GRID1: variants seen among roughly 807,000 people sequenced by gnomAD.
The protein encoded by GRID1 is glutamate receptor ionotropic, delta-1.
A neutral mutation model predicts 98.0 loss-of-function variants in GRID1; 28 were observed. The ratio of observed to expected loss-of-function variants is 0.29; its 90% CI spans 0.21 to 0.39. The LOEUF is 0.39. Among genes scored for constraint, GRID1 ranks in the 10% least tolerant of loss-of-function variants. The probability of loss-of-function intolerance (pLI) is 1.00; values close to 1 mark genes in which losing one functional copy is unlikely to be tolerated. For synonymous variants in GRID1, 553 were observed against 538.5 expected (o/e 1.03, Z -0.37); for missense variants, 1,111 against 1,340.5 (o/e 0.83, Z 2.67).
At chr10:85,868,397 A>G (rs777460280) in intron 6 of GRID1, among the ~76,000 whole-genome samples, 1 of 152,176 alleles carries the variant, frequency 6.6e-6, no homozygotes, top group Non-Finnish European at 1.5e-5. Context: ...CCAAGGCCCA[A>G]GACAAGCTAG....
chr10:85,697,236 A>G (rs7923001), intron 12 of GRID1, among the ~76,000 whole-genome samples: 11,828 of 152,146 alleles, frequency 0.078, 664 homozygotes, highest in African/African-American at 0.16. Context: ...TTTTGACTAT[A>G]TTAGATTTTT....
chr10:85,727,174 T>A (rs1841769757), intron 10 of GRID1, among the ~76,000 whole-genome samples: 1 of 152,012 alleles, frequency 6.6e-6, no homozygotes, highest in Non-Finnish European at 1.5e-5. Context: ...GAGGTCAAAG[T>A]ATTGGGAGTC....
intron 8 of GRID1, among the ~76,000 whole-genome samples, chr10:85,834,955 T>G (rs1842900190): frequency 6.6e-6 from 1 of 152,154 alleles, no homozygotes; most frequent in East Asian, 1.9e-4. Flanking sequence ...AAAAAAAAGT[T>G]ACTTCAAAGG....
At chr10:86,354,282 A>G (rs1848504066) in intron 2 of GRID1, among the ~76,000 whole-genome samples, 1 of 152,240 alleles carries the variant, frequency 6.6e-6, no homozygotes, top group South Asian at 2.1e-4. Flanking sequence ...CTCAGCCCGG[A>G]CCTGGGGGTT....
rs1053269627 is a variant in GRID1, at chr10:85,706,366, C to T, written c.1997+16637G>A. 4.6e-5 allele frequency among the ~76,000 whole-genome samples: 7 copies of T among 152,250 alleles called. No homozygotes were observed. The East Asian group carries it at 1.4e-3, about 29-fold the overall frequency. On this transcript the variant is annotated intron_variant, in intron 12 of 15. Coordinates refer to ENST00000327946, the MANE Select transcript of GRID1 (RefSeq NM_017551.3). Reference sequence around the variant, plus strand: ...ATGAGTGAACTCCCATTCACAATTGCTTCAAAGAGAATAAAATACCTAGGA... The same window carrying T: ...ATGAGTGAACTCCCATTCACAATTGTTTCAAAGAGAATAAAATACCTAGGA...
At chr10:85,810,457 C>T (rs1842661190) in intron 8 of GRID1, among the ~76,000 whole-genome samples, 1 of 152,174 alleles carries the variant, frequency 6.6e-6, no homozygotes, top group Admixed American at 6.5e-5. Context: ...CCTTGAGCTG[C>T]TAAGCAGCTG....
chr10:86,020,298 G>GAGGAGC (rs1843032571), intron 4 of GRID1, among the ~76,000 whole-genome samples: 1 of 152,228 alleles, frequency 6.6e-6, no homozygotes. Context: ...TGGCACAGGA[G>GAGGAGC]AGGAGCAGAA....
intron 8 of GRID1, among the ~76,000 whole-genome samples, chr10:85,797,043 G>A (rs1172460371): frequency 1.3e-5 from 2 of 152,080 alleles, no homozygotes; most frequent in Non-Finnish European, 2.9e-5. Flanking sequence ...ATTTTATTTT[G>A]TCTTTTAAAA....
chr10:85,849,265 G>A (rs1038432583), intron 8 of GRID1, among the ~76,000 whole-genome samples: 2 of 152,198 alleles, frequency 1.3e-5, no homozygotes, highest in Admixed American at 6.5e-5. Context: ...GTCCTATGGC[G>A]TGGCAATCCC....
intron 3 of GRID1, among the ~76,000 whole-genome samples, chr10:86,172,424 A>G (rs1845506477): frequency 6.6e-6 from 1 of 152,168 alleles, no homozygotes; most frequent in African/African-American, 2.4e-5. Context: ...ATCATTTTGC[A>G]GATAGGGAGT....
chr10:86,204,596 A>AG (rs1845999292), intron 3 of GRID1, among the ~76,000 whole-genome samples: 1 of 152,244 alleles, frequency 6.6e-6, no homozygotes, highest in Non-Finnish European at 1.5e-5. Flanking sequence ...AAGTGCCACC[A>AG]GGCCTTGTTC....
At chr10:86,051,640 CAT>C (rs1843504494) in intron 4 of GRID1, among the ~76,000 whole-genome samples, 2 of 152,120 alleles carry the variant, frequency 1.3e-5, no homozygotes, top group Admixed American at 1.3e-4. Flanking sequence ...TACATGAACA[CAT>C]GTCTCGCAGA....
intron 4 of GRID1, among the ~76,000 whole-genome samples, chr10:86,087,678 C>A (rs905186545): frequency 1.3e-5 from 2 of 152,204 alleles, no homozygotes; most frequent in African/African-American, 4.8e-5. Flanking sequence ...GCTCAGAACA[C>A]CCTTGGGTCC....
At chr10:85,729,690 G>T in intron 8 of GRID1, 76 bp from the exon 9 acceptor site, 1 of 870,532 alleles carries the variant, frequency 1.1e-6, no homozygotes, top group Non-Finnish European at 1.9e-6. Context: ...CTCCTACACT[G>T]GGATCCTGAA....
chr10:85,631,340 G>T lies in GRID1; in HGVS notation c.2194-11307C>A, dbSNP rs115960783. Among the ~76,000 whole-genome samples the T allele has an allele frequency of 7.5e-3, 1,147 of 152,242 alleles. 17 individuals carry two copies. Among genetic ancestry groups the T allele is most frequent in the African/African-American group, 0.027 (1,105 of 41,536 alleles). ...CCCTGACCATCCTGTCCTCATGCTGGTTTTTTCCCCTCTTCTGCTGCCAGA... is the reference window on the plus strand; with the variant it reads ...CCCTGACCATCCTGTCCTCATGCTGTTTTTTTCCCCTCTTCTGCTGCCAGA... On this transcript the variant is annotated intron_variant, in intron 13 of 15. Coordinates refer to ENST00000327946, the MANE Select transcript of GRID1 (RefSeq NM_017551.3).
At chr10:86,172,856 T>G (rs1459830042) in intron 3 of GRID1, among the ~76,000 whole-genome samples, 1 of 152,214 alleles carries the variant, frequency 6.6e-6, no homozygotes, top group Non-Finnish European at 1.5e-5. Flanking sequence ...TACTTGTTAT[T>G]ATAAAAAAAT....
At chr10:85,850,200 G>T (rs913642936) in intron 8 of GRID1, among the ~76,000 whole-genome samples, 1 of 152,188 alleles carries the variant, frequency 6.6e-6, no homozygotes, top group Non-Finnish European at 1.5e-5. Flanking sequence ...GGAGATAGTG[G>T]AAGAGAATGA....
chr10:86,322,200 C>A (rs1192667284), intron 2 of GRID1, among the ~76,000 whole-genome samples: 1 of 152,050 alleles, frequency 6.6e-6, no homozygotes, highest in Non-Finnish European at 1.5e-5. Context: ...CAGGAACTCT[C>A]CCAGATGGCA....
chr10:86,077,739 T>C (rs745371704), intron 4 of GRID1, among the ~76,000 whole-genome samples: 8 of 152,142 alleles, frequency 5.3e-5, no homozygotes, highest in Admixed American at 1.3e-4. Flanking sequence ...AGAACCTATA[T>C]TGGGAGCTGG....
Sources: allele counts gnomAD v4.1 joint callset (sites outside exome capture counted in the v4.1 genomes callset), GRCh38; gene constraint gnomAD v4.1.1; transcripts MANE v1.5; gene names NCBI Gene and HGNC (gene_info 2026-07-23, HGNC 2026-07-21).